KLHL7: variants seen among roughly 807,000 people sequenced by gnomAD.
KLHL7 encodes kelch-like protein 7.
Under a neutral mutation model 67.4 loss-of-function variants are expected in KLHL7, and 44 were observed. That is an observed-to-expected ratio of 0.65 (90% CI 0.51 to 0.84). The LOEUF (loss-of-function observed/expected upper bound fraction) is 0.84. Ranked by LOEUF, KLHL7 falls within the 40% of genes least tolerant of loss-of-function variation. KLHL7 has a pLI of 0.00. For synonymous variants in KLHL7, 252 were observed against 243.3 expected, an observed-to-expected ratio of 1.04 and a Z score of -0.33; for missense variants, 362 against 718.1, an observed-to-expected ratio of 0.50 and a Z score of 5.67.
chr7:23,118,639 C>T (rs1027952894), intron 1 of KLHL7, among the ~76,000 whole-genome samples: 1 of 152,178 alleles, frequency 6.6e-6, no homozygotes, highest in African/African-American at 2.4e-5. Flanking sequence ...CTTACCTTCC[C>T]AGGGGAAGAG....
intron 1 of KLHL7, among the ~76,000 whole-genome samples, chr7:23,119,747 T>C (rs1467985716): frequency 6.6e-6 from 1 of 152,184 alleles, no homozygotes; most frequent in Non-Finnish European, 1.5e-5. Context: ...TTTCTCAATA[T>C]TTAATTATTT....
chr7:23,135,515 G>C (rs1459871722), intron 4 of KLHL7, among the ~76,000 whole-genome samples: 3 of 152,204 alleles, frequency 2.0e-5, no homozygotes, highest in African/African-American at 7.2e-5. Context: ...CTCCAGTGCT[G>C]AAAGTGGGGT....
At chr7:23,130,764 A>G (rs1028212625) in intron 4 of KLHL7, among the ~76,000 whole-genome samples, 8 of 152,226 alleles carry the variant, frequency 5.3e-5, no homozygotes, top group Non-Finnish European at 1.0e-4. Flanking sequence ...GCCTCGATAA[A>G]TAACAACATC....
chr7:23,113,256 G>A (rs376799608), intron 1 of KLHL7, among the ~76,000 whole-genome samples: 2 of 152,170 alleles, frequency 1.3e-5, no homozygotes, highest in African/African-American at 4.8e-5. Context: ...TATTTTTGAA[G>A]ATTCTTTTGA....
intron 1 of KLHL7, among the ~76,000 whole-genome samples, chr7:23,120,262 G>A (rs984425529): frequency 6.6e-6 from 1 of 151,992 alleles, no homozygotes; most frequent in Non-Finnish European, 1.5e-5. Context: ...TGCCCACCTC[G>A]GCCTTCCAAA....
chr7:23,126,913 A>G (rs1783594954), intron 4 of KLHL7, among the ~76,000 whole-genome samples: 2 of 152,218 alleles, frequency 1.3e-5, no homozygotes, highest in African/African-American at 4.8e-5. Flanking sequence ...AAAGATCCCT[A>G]TATTAGAAAA....
intron 9 of KLHL7, chr7:23,172,064 T>C (rs1431087336): frequency 4.6e-6 from 2 of 437,628 alleles, no homozygotes; most frequent in South Asian, 1.6e-5. Flanking sequence ...AGAGTTACTC[T>C]TATGCCAAGT....
rs758529201 is a variant in KLHL7 at position 23,143,897 on chromosome 7, G to A, written c.665G>A (p.Arg222His). 44 of 1,613,910 alleles carry A rather than the reference G, an allele frequency of 2.7e-5. No homozygotes were observed. Among genetic ancestry groups the A allele is most frequent in the African/African-American group, 6.7e-5 (5 of 74,910 alleles). The change falls in exon 6 of 11, where the codon CGC (arginine) becomes CAC (histidine). Residue 222 changes from arginine (R) to histidine (H), a missense_variant. Physicochemically the swap from Arg to His is conservative, Grantham distance 29. Coordinates refer to ENST00000339077, the MANE Select transcript of KLHL7 (RefSeq NM_001031710.3). ...VRWLKYDEPN[R>H]QPFMVDILAK... Reference sequence around the variant, plus strand: ...TGGTTGAAATACGATGAACCTAATCGCCAGCCATTTATGGTTGATATCCTT... The same window carrying A: ...TGGTTGAAATACGATGAACCTAATCACCAGCCATTTATGGTTGATATCCTT...
At chr7:23,170,635 C>G (rs965184371) in intron 9 of KLHL7, among the ~76,000 whole-genome samples, 18 of 152,182 alleles carry the variant, frequency 1.2e-4, no homozygotes, top group African/African-American at 4.3e-4. Context: ...GGTTCCTTCC[C>G]TAGCCCAAAA....
At chr7:23,119,473 T>TA (rs767866969) in intron 1 of KLHL7, among the ~76,000 whole-genome samples, 8 of 152,228 alleles carry the variant, frequency 5.3e-5, no homozygotes, top group Non-Finnish European at 1.0e-4. Flanking sequence ...GTGCTGGGAT[T>TA]ACAGGGGTAA....
At chr7:23,147,993 A>T (rs764709993) in intron 6 of KLHL7, among the ~76,000 whole-genome samples, 6 of 151,858 alleles carry the variant, frequency 4.0e-5, no homozygotes, top group African/African-American at 1.5e-4. Flanking sequence ...CTCAGTTCCA[A>T]CTCCTTATCT....
At chr7:23,140,620 A>C (rs1488026199) in intron 4 of KLHL7, 149 bp from the exon 5 acceptor site, 1 of 748,756 alleles carries the variant, frequency 1.3e-6, no homozygotes, top group Admixed American at 2.0e-5. Flanking sequence ...TAGTATTGGC[A>C]CAAGAATAGA....
chr7:23,121,393 C>T (rs1186045982), intron 1 of KLHL7, among the ~76,000 whole-genome samples: 1 of 152,002 alleles, frequency 6.6e-6, no homozygotes, highest in Non-Finnish European at 1.5e-5. Context: ...CTCAAGTGAT[C>T]CTCTTACCTC....
chr7:23,111,881 T>G (rs1782888689), intron 1 of KLHL7, among the ~76,000 whole-genome samples: 1 of 150,266 alleles, frequency 6.7e-6, no homozygotes, highest in South Asian at 2.1e-4. Flanking sequence ...ATTAAAGAGT[T>G]TTCAGAGTGC....
At chr7:23,160,724 G>T (rs1784832539) in intron 7 of KLHL7, among the ~76,000 whole-genome samples, 1 of 152,066 alleles carries the variant, frequency 6.6e-6, no homozygotes, top group South Asian at 2.1e-4. Context: ...TTTCCTAATG[G>T]CTAATTACTA....
chr7:23,161,927 G>A (rs1258523791), intron 7 of KLHL7, among the ~76,000 whole-genome samples: 2 of 152,204 alleles, frequency 1.3e-5, no homozygotes, highest in South Asian at 2.1e-4. Context: ...TTTCACAACA[G>A]CTGTGCTTTT....
intron 7 of KLHL7, among the ~76,000 whole-genome samples, chr7:23,156,658 G>A (rs772424593): frequency 6.6e-6 from 1 of 152,220 alleles, no homozygotes; most frequent in Non-Finnish European, 1.5e-5. Flanking sequence ...TAAACTAGTA[G>A]TAAGACTAGC....
intron 7 of KLHL7, 133 bp downstream of exon 7, chr7:23,152,342 A>T: frequency 1.2e-6 from 1 of 804,480 alleles, no homozygotes; most frequent in Non-Finnish European, 2.1e-6. Flanking sequence ...CACATATGTT[A>T]TGAGATACAT....
At chr7:23,137,725 C>T (rs1022601825) in intron 4 of KLHL7, among the ~76,000 whole-genome samples, 11 of 151,052 alleles carry the variant, frequency 7.3e-5, no homozygotes, top group East Asian at 2.0e-4. Context: ...GTGAGCTGCC[C>T]GCCTCATCCT....
Sources: gnomAD v4.1 joint callset for allele counts (sites outside exome capture counted in the v4.1 genomes callset) on GRCh38, gnomAD v4.1.1 for gene constraint, MANE v1.5 for transcripts, NCBI Gene and HGNC (gene_info 2026-07-23, HGNC 2026-07-21) for gene names.